Variants in TRAPPC12 observed in about 807,000 individuals in gnomAD.
TRAPPC12 encodes the protein trafficking protein particle complex subunit 12, also known as TPR repeat protein 15.
TRAPPC12 carries 61 observed loss-of-function variants against 69.2 expected under a neutral mutation model. The observed-to-expected ratio is 0.88, with a 90% CI of 0.72 to 1.09. The LOEUF is 1.09. Among genes scored for constraint, TRAPPC12 ranks in the 50% least tolerant of loss-of-function variants. The probability of loss-of-function intolerance (pLI) is 0.00; values close to 1 mark genes in which losing one functional copy is unlikely to be tolerated. For missense variants in TRAPPC12, 1,101 were observed against 1,016.4 expected (o/e 1.08, Z -1.13); for synonymous variants, 469 against 438.9 (o/e 1.07, Z -0.86).
intron 10 of TRAPPC12, 89 bp from the exon 11 acceptor site, chr2:3,478,757 C>A: frequency 8.6e-7 from 1 of 1,159,686 alleles, no homozygotes; most frequent in Admixed American, 1.8e-5. Flanking sequence ...CGCTGGGTCT[C>A]TGTGGGATCC....
At chr2:3,453,086 C>T (rs1012536587) in intron 6 of TRAPPC12, among the ~76,000 whole-genome samples, 2 of 152,212 alleles carry the variant, frequency 1.3e-5, no homozygotes, top group African/African-American at 4.8e-5. Context: ...CTTGTCACTG[C>T]GGCACTTTGC....
At chr2:3,402,478 A>G (rs1661499875) in intron 3 of TRAPPC12, among the ~76,000 whole-genome samples, 1 of 152,138 alleles carries the variant, frequency 6.6e-6, no homozygotes, top group Admixed American at 6.5e-5. Context: ...AATCCCAGAT[A>G]CTCAGGAGGC....
At chr2:3,401,521 G>C (rs1661442992) in intron 2 of TRAPPC12, among the ~76,000 whole-genome samples, 1 of 152,156 alleles carries the variant, frequency 6.6e-6, no homozygotes, top group Non-Finnish European at 1.5e-5. Context: ...TAAAGAACAT[G>C]CTTTCTGATC....
intron 3 of TRAPPC12, among the ~76,000 whole-genome samples, chr2:3,408,491 G>A (rs1661854861): frequency 6.6e-6 from 1 of 152,118 alleles, no homozygotes; most frequent in African/African-American, 2.4e-5. Context: ...GCTGGGTGTG[G>A]TAGCACACGC....
At chr2:3,436,671 T>A (rs1663803863) in intron 5 of TRAPPC12, among the ~76,000 whole-genome samples, 1 of 151,904 alleles carries the variant, frequency 6.6e-6, no homozygotes, top group South Asian at 2.1e-4. Context: ...GCGTTGCGTG[T>A]TCATTGTACT....
chr2:3,447,039 C>T (rs1391210401), intron 6 of TRAPPC12, among the ~76,000 whole-genome samples: 1 of 152,000 alleles, frequency 6.6e-6, no homozygotes, highest in African/African-American at 2.4e-5. Flanking sequence ...TTTTGGCTCA[C>T]AGTCCTGCAG....
intron 3 of TRAPPC12, among the ~76,000 whole-genome samples, chr2:3,402,356 C>T (rs113476412): frequency 1.3e-5 from 2 of 152,118 alleles, no homozygotes; most frequent in African/African-American, 4.8e-5. Flanking sequence ...CTTTGGGAGG[C>T]CAAGGCGGGC....
Position 3,479,525 on chromosome 2 carries a change from A to T in TRAPPC12, c.*64A>T. On this transcript the variant is annotated 3_prime_UTR_variant, in exon 12 of 12. Transcript: ENST00000324266. Reference sequence around the variant, plus strand: ...TGAAACTGTGTCTTGAAGCTAATGTATTAATGTGACATGGAGGAACTCAAT... The same window carrying T: ...TGAAACTGTGTCTTGAAGCTAATGTTTTAATGTGACATGGAGGAACTCAAT... The T allele has an allele frequency of 6.3e-7, 1 of 1,576,922 alleles. No homozygotes were observed. The highest frequency in any genetic ancestry group is 8.6e-7 in the Non-Finnish European group (1 of 1,159,284).
chr2:3,384,020 C>T (rs1660377391), intron 1 of TRAPPC12, among the ~76,000 whole-genome samples: 1 of 148,264 alleles, frequency 6.7e-6, no homozygotes, highest in Admixed American at 6.7e-5. Context: ...CTCAGTATCC[C>T]AAGTAGCTGG....
chr2:3,424,177 AG>A (rs543663552), intron 4 of TRAPPC12, among the ~76,000 whole-genome samples: 2 of 152,334 alleles, frequency 1.3e-5, no homozygotes, highest in East Asian at 3.9e-4. Context: ...TTACTTATTG[AG>A]TAAACAATTA....
Position 3,414,332 on chromosome 2 carries a change from C to G in TRAPPC12, c.1165-7549C>G, listed in dbSNP as rs1662220541. 6.6e-6 allele frequency among the ~76,000 whole-genome samples: 1 copy of G among 152,166 alleles called. No homozygotes were observed. Among genetic ancestry groups the G allele is most frequent in the Non-Finnish European group, 1.5e-5 (1 of 68,026 alleles). Reference sequence around the variant, plus strand: ...AGGCACGTGTGATCTCAGAAGAAATCTCACTTCGTCGTGTGATCCAGATAA... The same window carrying G: ...AGGCACGTGTGATCTCAGAAGAAATGTCACTTCGTCGTGTGATCCAGATAA... On this transcript the variant is annotated intron_variant, in intron 3 of 11. Transcript: ENST00000324266. The surrounding 1 kb of genome is among the most constrained non-coding windows in gnomAD (Gnocchi z 4.9).
chr2:3,442,008 T>C (rs1664236781), intron 5 of TRAPPC12, among the ~76,000 whole-genome samples: 1 of 152,258 alleles, frequency 6.6e-6, no homozygotes, highest in Non-Finnish European at 1.5e-5. Context: ...TCAGGTGAAG[T>C]GGCAGGAGTC....
chr2:3,453,674 A>T (rs1006388014), intron 6 of TRAPPC12, among the ~76,000 whole-genome samples: 10 of 152,280 alleles, frequency 6.6e-5, no homozygotes, highest in African/African-American at 2.2e-4. Flanking sequence ...TTGGTCTCTG[A>T]TATAGACCCT....
chr2:3,394,636 A>G (rs552092109), intron 2 of TRAPPC12, among the ~76,000 whole-genome samples: 2,798 of 149,624 alleles, frequency 0.019, 30 homozygotes, highest in Middle Eastern at 0.034. Context: ...AAAAAAAAAA[A>G]GGGGGGGGAG....
intron 1 of TRAPPC12, among the ~76,000 whole-genome samples, chr2:3,385,147 A>G (rs1660435701): frequency 6.6e-6 from 1 of 152,186 alleles, no homozygotes; most frequent in Non-Finnish European, 1.5e-5. Context: ...AGCATCATCT[A>G]AATCACGTTT....
At chr2:3,400,826 A>G (rs1379208641) in intron 2 of TRAPPC12, among the ~76,000 whole-genome samples, 1 of 152,216 alleles carries the variant, frequency 6.6e-6, no homozygotes, top group Non-Finnish European at 1.5e-5. Context: ...CCCGAGGGTC[A>G]TGAAGGCTGG....
intron 5 of TRAPPC12, among the ~76,000 whole-genome samples, chr2:3,436,102 G>A (rs1469230166): frequency 3.3e-5 from 5 of 152,188 alleles, no homozygotes; most frequent in Admixed American, 3.3e-4. Flanking sequence ...TCTGGGCAGG[G>A]CCTGAGACTC....
At chr2:3,464,875 TGAG>T (rs2103151688) in intron 8 of TRAPPC12, among the ~76,000 whole-genome samples, 1 of 152,308 alleles carries the variant, frequency 6.6e-6, no homozygotes, top group South Asian at 2.1e-4. Context: ...GCCTTGCCCT[TGAG>T]GAGGGGCCAC....
intron 6 of TRAPPC12, among the ~76,000 whole-genome samples, chr2:3,445,663 G>A (rs1452897299): frequency 6.6e-6 from 1 of 152,214 alleles, no homozygotes; most frequent in African/African-American, 2.4e-5. Flanking sequence ...GCACAGATAG[G>A]TTAGGTAACT....
Sources: gnomAD v4.1 joint callset for allele counts (sites outside exome capture counted in the v4.1 genomes callset) on GRCh38, gnomAD v4.1.1 for gene constraint, Gnocchi (gnomAD v3.1) non-coding constraint, MANE v1.5 for transcripts, NCBI Gene and HGNC (gene_info 2026-07-23, HGNC 2026-07-21) for gene names.